DHRS12: variants seen among roughly 807,000 people sequenced by gnomAD.
The protein encoded by DHRS12 is dehydrogenase/reductase SDR family member 12.
In DHRS12, 29 loss-of-function variants were observed where a neutral mutation model predicts 32.1. That is an observed-to-expected ratio of 0.90 (90% confidence interval 0.67 to 1.23). The LOEUF is 1.23. Among genes scored for constraint, DHRS12 ranks in the 50% most tolerant of loss-of-function variants. DHRS12 has a pLI of 0.00. For missense variants in DHRS12, 330 were observed against 337.2 expected, an observed-to-expected ratio of 0.98 and a Z score of 0.17; for synonymous variants, 150 against 135.9, an observed-to-expected ratio of 1.10 and a Z score of -0.72.
intron 5 of DHRS12, chr13:51,775,871 G>T (rs1566280548): frequency 6.9e-6 from 1 of 144,290 alleles, no homozygotes; most frequent in South Asian, 2.1e-4. Context: ...TTCTCCTACA[G>T]TATTCTCCTA....
chr13:51,771,469 C>T lies in DHRS12; in HGVS notation c.559+352G>A, dbSNP rs139624454. 7 of 1,614,084 alleles carry T rather than the reference C, an allele frequency of 4.3e-6. No homozygotes were observed. In the African/African-American group the frequency reaches 6.7e-5, roughly 15 times the overall value. The stretch of plus-strand genomic sequence containing the variant: ...GAGGCAGTCTGGGCCTCTCCCACTA[C>T]CTTCCTCAGCTCCTGCTCATTCCTG... On this transcript the variant is annotated intron_variant, in intron 7 of 8. Coordinates refer to ENST00000444610, the MANE Select transcript of DHRS12 (RefSeq NM_001377533.1).
intron 2 of DHRS12, among the ~76,000 whole-genome samples, chr13:51,794,448 G>A (rs1031186379): frequency 6.6e-6 from 1 of 152,184 alleles, no homozygotes; most frequent in South Asian, 2.1e-4. Flanking sequence ...GAGGTCTTGG[G>A]AAGCTAAATC....
the DHRS12 span, among the ~76,000 whole-genome samples, chr13:51,755,161 T>C: frequency 6.6e-6 from 1 of 152,218 alleles, no homozygotes; most frequent in East Asian, 1.9e-4. Context: ...GAGATTCTTA[T>C]TCACCACTAC....
chr13:51,795,085 C>T (rs532353288), intron 2 of DHRS12, among the ~76,000 whole-genome samples: 31 of 152,300 alleles, frequency 2.0e-4, no homozygotes, highest in African/African-American at 7.2e-4. Context: ...ACCAAGCCAG[C>T]GTGTACAAGC....
intron 1 of DHRS12, 156 bp downstream of exon 1, chr13:51,803,898 C>A (rs984234688): frequency 3.3e-6 from 2 of 609,992 alleles, no homozygotes; most frequent in Non-Finnish European, 4.7e-6. Context: ...AGCCGTGGGT[C>A]GCTAGACGGC....
At chr13:51,759,373 G>A in the DHRS12 span, among the ~76,000 whole-genome samples, 4 of 152,144 alleles carry the variant, frequency 2.6e-5, no homozygotes, top group Non-Finnish European at 4.4e-5. Flanking sequence ...CTATATTGTC[G>A]CTTTCATGTT....
chr13:51,791,631 T>C (rs1236801801), intron 2 of DHRS12, among the ~76,000 whole-genome samples: 1 of 151,148 alleles, frequency 6.6e-6, no homozygotes, highest in Non-Finnish European at 1.5e-5. Flanking sequence ...GGATACTTAA[T>C]ATGAGATCTA....
At chr13:51,761,338 A>C in the DHRS12 span, 1 of 152,224 alleles carries the variant, frequency 6.6e-6, no homozygotes, top group Admixed American at 6.5e-5. Context: ...GTCCCTTTTA[A>C]AAATCTTATT....
At chr13:51,786,236 G>A (rs995852459) in intron 4 of DHRS12, among the ~76,000 whole-genome samples, 53 of 152,262 alleles carry the variant, frequency 3.5e-4, no homozygotes, top group African/African-American at 1.2e-3. Flanking sequence ...TGACGCAGCT[G>A]TCCTGGTGGA....
Position 51,799,677 on chromosome 13 carries a change from G to A in DHRS12, c.-8-10C>T, listed in dbSNP as rs1360317003. The A allele has an allele frequency of 1.2e-6, 2 of 1,613,420 alleles. No individual in the cohort carries two copies. The highest frequency in any genetic ancestry group is 1.7e-6 in the Non-Finnish European group (2 of 1,179,874). On this transcript the variant is annotated splice_polypyrimidine_tract_variant and intron_variant, in intron 1 of 8. Coordinates refer to ENST00000444610, the MANE Select transcript of DHRS12 (RefSeq NM_001377533.1). ...AGATTCATAGCCACTCCTAGAAAGA[G>A]GAGACCCACAGGAAGACCAGCTGTA...
downstream of DHRS12, chr13:51,766,623 T>C (rs1246431289): frequency 6.6e-6 from 1 of 152,250 alleles, no homozygotes; most frequent in Non-Finnish European, 1.5e-5. Flanking sequence ...TATTGAAACA[T>C]CTGTATCCAG....
At chr13:51,771,976 G>A (rs1954042724) in intron 6 of DHRS12, 65 bp from the exon 7 acceptor site, 2 of 1,483,578 alleles carry the variant, frequency 1.3e-6, no homozygotes, top group Non-Finnish European at 1.9e-6. Context: ...AAGGGCAGGG[G>A]ATAAGCCCTG....
the DHRS12 span, among the ~76,000 whole-genome samples, chr13:51,757,636 TAAA>T: frequency 7.0e-6 from 1 of 142,700 alleles, no homozygotes; most frequent in Non-Finnish European, 1.5e-5. Flanking sequence ...TCTTCTTACT[TAAA>T]AAAAAAAAAA....
intron 8 of DHRS12, chr13:51,768,806 A>C (rs1953873344): frequency 4.0e-6 from 5 of 1,249,178 alleles, no homozygotes; most frequent in South Asian, 4.0e-5. Context: ...CACTGCAGAG[A>C]AGCAGAGTCC....
At chr13:51,789,630 T>C in intron 4 of DHRS12, 1 of 985,478 alleles carries the variant, frequency 1.0e-6, no homozygotes. Context: ...ATGCGCTTCT[T>C]GGTCCATCTT....
Position 51,768,304 on chromosome 13 carries a change from T to G in DHRS12, c.698-8A>C. Reference sequence around the variant, plus strand: ...TAGAAACTGGCTTCCGATCTAAAAGTGAGAGGGAACCGCAGAGAGGTGTGA... The same window carrying G: ...TAGAAACTGGCTTCCGATCTAAAAGGGAGAGGGAACCGCAGAGAGGTGTGA... On this transcript the variant is annotated splice_polypyrimidine_tract_variant and splice_region_variant and intron_variant, in intron 8 of 8. Coordinates refer to ENST00000444610, the MANE Select transcript of DHRS12 (RefSeq NM_001377533.1). The G allele has an allele frequency of 6.5e-7, 1 of 1,535,612 alleles. No individual in the cohort carries two copies. Among genetic ancestry groups the G allele is most frequent in the Non-Finnish European group, 8.7e-7 (1 of 1,146,870 alleles).
At chr13:51,758,400 G>A in the DHRS12 span, 1 of 819,564 alleles carries the variant, frequency 1.2e-6, no homozygotes. Flanking sequence ...GGTTATCCTT[G>A]GGTAGCCGGC....
At chr13:51,773,617 G>A (rs1010779723) in intron 6 of DHRS12, among the ~76,000 whole-genome samples, 8 of 151,992 alleles carry the variant, frequency 5.3e-5, no homozygotes, top group Non-Finnish European at 8.8e-5. Context: ...GGGACCGCTC[G>A]CCGTCCTCAT....
intron 2 of DHRS12, among the ~76,000 whole-genome samples, chr13:51,799,215 T>C (rs1430416221): frequency 6.6e-6 from 1 of 152,314 alleles, no homozygotes; most frequent in East Asian, 1.9e-4. Context: ...TTTGTTTTTG[T>C]TTTTTTAATT....
Sources: allele counts gnomAD v4.1 joint callset (sites outside exome capture counted in the v4.1 genomes callset), GRCh38; gene constraint gnomAD v4.1.1; transcripts MANE v1.5; gene names NCBI Gene and HGNC (gene_info 2026-07-23, HGNC 2026-07-21).